LRRK1: variants seen among roughly 807,000 people sequenced by gnomAD.
LRRK1 encodes leucine-rich repeat serine/threonine-protein kinase 1.
LRRK1 carries 113 observed loss-of-function variants against 209.1 expected under a neutral mutation model. The observed-to-expected ratio is 0.54, with a 90% CI of 0.46 to 0.63. The LOEUF is 0.63. Ranked by LOEUF, LRRK1 falls within the 30% of genes least tolerant of loss-of-function variation. The pLI is 0.00. For missense variants in LRRK1, 2,284 were observed against 2,632.2 expected, an observed-to-expected ratio of 0.87 and a Z score of 2.89; for synonymous variants, 1,144 against 1,099.7, an observed-to-expected ratio of 1.04 and a Z score of -0.80.
intron 33 of LRRK1, among the ~76,000 whole-genome samples, chr15:101,067,719 T>G (rs147760143): frequency 6.6e-6 from 1 of 152,204 alleles, no homozygotes; most frequent in African/African-American, 2.4e-5. Flanking sequence ...GGAAGCAAGA[T>G]CTGGATCTGC....
chr15:101,021,212 G>A, intron 13 of LRRK1, 30 bp downstream of exon 13: 1 of 1,612,606 alleles, frequency 6.2e-7, no homozygotes, highest in South Asian at 1.1e-5. Context: ...GGCCGTGCTG[G>A]CTCTGCTGGC....
chr15:101,021,660 C>T, intron 13 of LRRK1, 185 bp from the exon 14 acceptor site: 1 of 567,858 alleles, frequency 1.8e-6, no homozygotes, highest in Non-Finnish European at 3.1e-6. Context: ...GACAGAGCTG[C>T]CGTTTCTATC....
intron 21 of LRRK1, among the ~76,000 whole-genome samples, chr15:101,047,745 G>A (rs1041180309): frequency 6.6e-6 from 1 of 152,180 alleles, no homozygotes; most frequent in African/African-American, 2.4e-5. Context: ...GGACAGTCTC[G>A]TCGTTCGAGA....
intron 2 of LRRK1, among the ~76,000 whole-genome samples, chr15:100,941,346 CTTTG>C (rs1567190770): frequency 5.0e-5 from 3 of 60,504 alleles, no homozygotes; most frequent in African/African-American, 1.9e-4. Context: ...CTGTGTGTGT[CTTTG>C]TGTGTGTGTG....
Position 101,065,440 on chromosome 15 carries a change from A to C in LRRK1, c.5003A>C (p.Tyr1668Ser), listed in dbSNP as rs2036475790. Reference protein sequence around the residue: ...VRGTPKDSCSYLCSHTANRSK... With the variant: ...VRGTPKDSCSSLCSHTANRSK... ...GGCACCCCAAAGGACAGCTGCTCCT[A>C]CCTGTGCTCACACACAGCCAACAGG... The change falls in exon 32 of 34, where the codon TAC becomes TCC. Residue 1668 changes from tyrosine (Y) to serine (S), a missense_variant. Tyr to Ser is a moderately radical substitution (Grantham distance 144, BLOSUM62 -2). Coordinates refer to ENST00000388948, the MANE Select transcript of LRRK1 (RefSeq NM_024652.6). 6.2e-7 allele frequency: 1 copy of C among 1,614,048 alleles called. No homozygotes were observed. Among genetic ancestry groups the C allele is most frequent in the Admixed American group, 1.7e-5 (1 of 60,010 alleles).
At chr15:100,998,857 T>G (rs1286224213) in intron 6 of LRRK1, among the ~76,000 whole-genome samples, 1 of 151,174 alleles carries the variant, frequency 6.6e-6, no homozygotes, top group Non-Finnish European at 1.5e-5. Flanking sequence ...GATGGGTGGG[T>G]GGATGATTGC....
chr15:101,014,953 G>A (rs1267970185), intron 11 of LRRK1, among the ~76,000 whole-genome samples: 2 of 152,200 alleles, frequency 1.3e-5, no homozygotes, highest in Non-Finnish European at 2.9e-5. Context: ...CTGTAATTCT[G>A]TTCAAAAGTC....
intron 20 of LRRK1, among the ~76,000 whole-genome samples, chr15:101,043,060 A>G (rs4439745): frequency 0.99 from 150,669 of 152,358 alleles, 74,525 homozygotes; most frequent in East Asian, 1. Context: ...TGATGCTGAT[A>G]TTGGCAATGA....
intron 2 of LRRK1, among the ~76,000 whole-genome samples, chr15:100,945,210 G>A (rs979308005): frequency 2.6e-5 from 4 of 152,136 alleles, no homozygotes; most frequent in African/African-American, 9.7e-5. Context: ...TATATGCTTC[G>A]AAAAATCTGA....
intron 20 of LRRK1, chr15:101,043,652 G>A (rs1402477001): frequency 6.6e-6 from 1 of 152,072 alleles, no homozygotes; most frequent in Non-Finnish European, 1.5e-5. Flanking sequence ...GACCATCAGT[G>A]TGATCACGGC....
chr15:100,994,870 C>T (rs986137582), intron 6 of LRRK1, among the ~76,000 whole-genome samples: 6 of 152,250 alleles, frequency 3.9e-5, no homozygotes, highest in East Asian at 1.9e-4. Flanking sequence ...CAGAGGGTTC[C>T]GGCAGTCAGG....
At chr15:100,969,998 C>T (rs1208361275) in intron 2 of LRRK1, among the ~76,000 whole-genome samples, 1 of 152,016 alleles carries the variant, frequency 6.6e-6, no homozygotes, top group Non-Finnish European at 1.5e-5. Context: ...AAGCGATTCT[C>T]CTGCCTCAGC....
At chr15:100,993,416 T>C (rs938488560) in intron 6 of LRRK1, among the ~76,000 whole-genome samples, 1 of 152,226 alleles carries the variant, frequency 6.6e-6, no homozygotes, top group African/African-American at 2.4e-5. Flanking sequence ...TTCCCACTTC[T>C]GATGATTTTT....
intron 2 of LRRK1, among the ~76,000 whole-genome samples, chr15:100,947,069 A>C (rs1348118051): frequency 6.6e-6 from 1 of 151,912 alleles, no homozygotes; most frequent in East Asian, 1.9e-4. Flanking sequence ...TCCCAGCTTC[A>C]AGCGATTCCT....
chr15:101,016,923 C>G lies in LRRK1; in HGVS notation c.1609+1521C>G, dbSNP rs139340810. On this transcript the variant is annotated intron_variant, in intron 12 of 33. Coordinates refer to ENST00000388948, the MANE Select transcript of LRRK1 (RefSeq NM_024652.6). The stretch of plus-strand genomic sequence containing the variant: ...TTTCCTAGTTTTTGTGCTGGTCACA[C>G]AACAAGGCCAGTTCAGCAGAGAGTA... Among the ~76,000 whole-genome samples, 286 of 152,342 alleles carry G rather than the reference C, an allele frequency of 1.9e-3. 1 individual carries two copies. Among genetic ancestry groups the G allele is most frequent in the African/African-American group, 6.4e-3 (268 of 41,568 alleles).
chr15:101,056,850 G>T lies in LRRK1; in HGVS notation c.4333-6G>T, dbSNP rs546614173. On this transcript the variant is annotated splice_polypyrimidine_tract_variant and splice_region_variant and intron_variant, in intron 27 of 33. Coordinates refer to ENST00000388948, the MANE Select transcript of LRRK1 (RefSeq NM_024652.6). ...AGCGACCTGACTTGGCTTGTTCTGT[G>T]CCCAGGTAGATATGTTCTCCTATGG... The T allele has an allele frequency of 8.8e-6, 14 of 1,591,650 alleles. No individual in the cohort carries two copies. In the East Asian group the frequency reaches 1.1e-4, roughly 13 times the overall value.
chr15:100,943,698 T>A (rs959752274), intron 2 of LRRK1, among the ~76,000 whole-genome samples: 1 of 151,234 alleles, frequency 6.6e-6, no homozygotes, highest in African/African-American at 2.4e-5. Flanking sequence ...AGTGATCGTA[T>A]CTTTTTTTTT....
chr15:101,017,363 G>C (rs549390946), intron 12 of LRRK1, among the ~76,000 whole-genome samples: 1 of 152,216 alleles, frequency 6.6e-6, no homozygotes, highest in East Asian at 1.9e-4. Context: ...ATTTATATGT[G>C]ACTGAAAAAG....
intron 20 of LRRK1, 25 bp from the exon 21 acceptor site, chr15:101,045,956 A>T (rs2035053481): frequency 6.2e-7 from 1 of 1,610,536 alleles, no homozygotes; most frequent in African/African-American, 1.3e-5. Flanking sequence ...CCCACTGTTC[A>T]CCAGTCCCCC....
Sources: allele counts gnomAD v4.1 joint callset (sites outside exome capture counted in the v4.1 genomes callset), GRCh38; gene constraint gnomAD v4.1.1; transcripts MANE v1.5; gene names NCBI Gene and HGNC (gene_info 2026-07-23, HGNC 2026-07-21).